The following SLC2A7 variants were observed in gnomAD, a reference collection of about 807,000 sequenced individuals.
SLC2A7 encodes solute carrier family 2 member 7.
SLC2A7 carries 50 observed loss-of-function variants against 50.5 expected under a neutral mutation model. The observed-to-expected ratio is 0.99, with a 90% CI of 0.79 to 1.25. The LOEUF (loss-of-function observed/expected upper bound fraction) is 1.25. Among genes scored for constraint, SLC2A7 ranks in the 50% most tolerant of loss-of-function variants. The probability of loss-of-function intolerance (pLI) is 0.00; values close to 1 mark genes in which losing one functional copy is unlikely to be tolerated. For synonymous variants in SLC2A7, 308 were observed against 300.4 expected, an observed-to-expected ratio of 1.03 and a Z score of -0.26; for missense variants, 683 against 679.1, an observed-to-expected ratio of 1.01 and a Z score of -0.06.
rs1316984843 is a variant in SLC2A7, at chr1:9,008,828, T to C, written c.1116+1315A>G. On this transcript the variant is annotated intron_variant, in intron 9 of 11. Coordinates refer to ENST00000400906, the MANE Select transcript of SLC2A7 (RefSeq NM_207420.3). The surrounding 1 kb of genome is among the most constrained non-coding windows in gnomAD (Gnocchi z 5.9). ...TCAGGCTGCTCTAGAACTCCTGACC[T>C]CAGGTGATCCACCCGCTTTGGCTTC... Among the ~76,000 whole-genome samples, 1 of 152,224 alleles carries C rather than the reference T, an allele frequency of 6.6e-6. No homozygotes were observed. Among genetic ancestry groups the C allele is most frequent in the Non-Finnish European group, 1.5e-5 (1 of 68,040 alleles).
rs749169535 is a variant in SLC2A7, at chr1:9,022,968, G to A, written c.261C>T (p.Gly87=). The change falls in exon 3 of 12, where the codon GGC becomes GGT. Residue 87 remains glycine (G), a synonymous_variant. Coordinates refer to ENST00000400906, the MANE Select transcript of SLC2A7 (RefSeq NM_207420.3). The part of the protein sequence containing the change: ...WSCTVSMFPL[G]GLLGSLLVGL... ...CCACGAGCAATGACCCCAACAGGCC[G>A]CCCAGAGGAAACATGGAGACGGTGC... is the stretch of plus-strand genomic sequence containing the variant. 45 of 1,613,990 alleles carry A rather than the reference G, an allele frequency of 2.8e-5. No individual in the cohort carries two copies. The highest frequency in any genetic ancestry group is 3.5e-5 in the Non-Finnish European group (41 of 1,180,000).
chr1:9,010,183 C>A lies in SLC2A7; in HGVS notation c.1076G>T (p.Gly359Val), dbSNP rs1478689748. ...CACCGTCAGCACCAGGCAGGCAGAG[C>A]CGCAGATGCCGTAGCCGGCCAGCAG... Reference protein sequence around the residue: ...HLLLAGYGICGSACLVLTVVL... With the variant: ...HLLLAGYGICVSACLVLTVVL... Residue 359 changes from glycine to valine, a missense_variant, in exon 9 of 12, where the codon GGC becomes GTC. Transcript: ENST00000400906. 2 of 1,552,378 alleles carry A rather than the reference C, an allele frequency of 1.3e-6. No homozygotes were observed. The highest frequency in any genetic ancestry group is 1.7e-6 in the Non-Finnish European group (2 of 1,147,486).
Position 9,003,161 on chromosome 1 carries a change from A to T in SLC2A7, c.*139T>A. ...TAAATATGCATTGTTGTGGGTATTT[A>T]ATAATATCCATAATTAAGTTAAATG... On this transcript the variant is annotated 3_prime_UTR_variant, in exon 12 of 12. Coordinates refer to ENST00000400906, the MANE Select transcript of SLC2A7 (RefSeq NM_207420.3). 1.4e-6 allele frequency: 1 copy of T among 694,912 alleles called. No homozygotes were observed. Among genetic ancestry groups the T allele is most frequent in the Non-Finnish European group, 2.4e-6 (1 of 415,632 alleles). 43.0% of individuals were successfully genotyped at this position (694,912 alleles called of 1,614,324 possible). A position where few individuals can be genotyped will look rare whatever the true frequency, so the allele number is the denominator to read the frequency against.
the SLC2A7 span, among the ~76,000 whole-genome samples, chr1:8,993,735 C>T: frequency 1.9e-4 from 29 of 152,306 alleles, no homozygotes; most frequent in Non-Finnish European, 3.4e-4. Context: ...TCAAGCGATT[C>T]GCCTGCCTCA....
the SLC2A7 span, among the ~76,000 whole-genome samples, chr1:8,996,706 T>C: frequency 6.6e-6 from 1 of 152,222 alleles, no homozygotes; most frequent in Non-Finnish European, 1.5e-5. Flanking sequence ...TTTTAAATTT[T>C]AGGCATCCTA....
At chr1:9,001,670 A>G (rs151268912), downstream of SLC2A7, among the ~76,000 whole-genome samples, 454 of 152,072 alleles carry the variant, frequency 3.0e-3, 2 homozygotes, top group African/African-American at 0.011. Flanking sequence ...TACTCGCTTC[A>G]GCCTCCCAAA....
At chr1:8,998,337 G>A (rs1386424554), downstream of SLC2A7, among the ~76,000 whole-genome samples, 2 of 151,214 alleles carry the variant, frequency 1.3e-5, no homozygotes, top group African/African-American at 2.4e-5. Context: ...CCCAGGAGGT[G>A]GAGGTTGCAG....
chr1:9,010,024 G>A (rs907333459), intron 9 of SLC2A7, 119 bp downstream of exon 9: 6 of 846,144 alleles, frequency 7.1e-6, no homozygotes, highest in African/African-American at 5.1e-5. Flanking sequence ...TTCCAGGCAG[G>A]ATGCATGCCA....
chr1:9,017,496 G>A (rs1256445864), intron 5 of SLC2A7, among the ~76,000 whole-genome samples: 7 of 152,168 alleles, frequency 4.6e-5, no homozygotes, highest in African/African-American at 1.2e-4. Flanking sequence ...CAGGCCTCGC[G>A]GGGTCTCCCC....
At chr1:9,007,643 C>T (rs1569784114) in intron 9 of SLC2A7, among the ~76,000 whole-genome samples, 1 of 152,178 alleles carries the variant, frequency 6.6e-6, no homozygotes. Context: ...AGTTATTTTC[C>T]TGCCAGGTGC....
At chr1:8,997,502 G>A in the SLC2A7 span, among the ~76,000 whole-genome samples, 1 of 152,080 alleles carries the variant, frequency 6.6e-6, no homozygotes, top group Non-Finnish European at 1.5e-5. Context: ...CTGGGTTCAA[G>A]CGATTCTCCT....
At chr1:9,019,469 G>T in intron 3 of SLC2A7, 136 bp from the exon 4 acceptor site, 1 of 1,282,246 alleles carries the variant, frequency 7.8e-7, no homozygotes, top group Admixed American at 2.6e-5. Context: ...GCAGGGGGCC[G>T]TGGACTGAAT....
Position 9,010,232 on chromosome 1 carries a change from C to T in SLC2A7, c.1027G>A (p.Glu343Lys). The T allele has an allele frequency of 6.4e-7, 1 of 1,551,074 alleles. No individual in the cohort carries two copies. Among genetic ancestry groups the T allele is most frequent in the Non-Finnish European group, 8.7e-7 (1 of 1,146,918 alleles). Reference protein sequence around the residue: ...VMTITSAVLVERLGRRHLLLA... With the variant: ...VMTITSAVLVKRLGRRHLLLA... Reference sequence around the variant, plus strand: ...AGGAGGTGCCGCCGTCCCAGCCGCTCCACAAGGACAGCCTGGAGGGGAAGG... The same window carrying T: ...AGGAGGTGCCGCCGTCCCAGCCGCTTCACAAGGACAGCCTGGAGGGGAAGG... Residue 343 changes from glutamate (E) to lysine (K), a missense_variant, in exon 9 of 12, where the codon GAG (glutamate) becomes AAG (lysine). Physicochemically the swap from Glu to Lys is moderately conservative, Grantham distance 56. Transcript: ENST00000400906.
chr1:9,004,510 G>A (rs987957690), intron 11 of SLC2A7, among the ~76,000 whole-genome samples: 1 of 151,902 alleles, frequency 6.6e-6, no homozygotes, highest in African/African-American at 2.4e-5. Context: ...TGAGCTCCGC[G>A]GACCAGAGCC....
intron 8 of SLC2A7, among the ~76,000 whole-genome samples, chr1:9,011,031 C>T (rs879647712): frequency 3.3e-5 from 5 of 152,240 alleles, no homozygotes; most frequent in Non-Finnish European, 7.3e-5. Context: ...CATCACCTGC[C>T]CTAACACCCT....
intron 8 of SLC2A7, 30 bp downstream of exon 8, chr1:9,013,495 C>T (rs1474697503): frequency 6.3e-7 from 1 of 1,585,764 alleles, no homozygotes; most frequent in Non-Finnish European, 8.6e-7. Context: ...AGAGACCCTC[C>T]AGCAGGAAGG....
intron 9 of SLC2A7, among the ~76,000 whole-genome samples, chr1:9,007,621 C>T (rs575141139): frequency 1.3e-5 from 2 of 152,340 alleles, no homozygotes; most frequent in East Asian, 1.9e-4. Context: ...GAACGAGGGG[C>T]ATCTACCTTT....
chr1:9,009,724 C>T (rs770390143), intron 9 of SLC2A7, among the ~76,000 whole-genome samples: 3 of 152,238 alleles, frequency 2.0e-5, no homozygotes, highest in Non-Finnish European at 4.4e-5. Context: ...TCCCAAAGTG[C>T]TAGGATTGCA....
At chr1:9,018,731 T>G (rs1350241438) in intron 4 of SLC2A7, among the ~76,000 whole-genome samples, 1 of 152,276 alleles carries the variant, frequency 6.6e-6, no homozygotes, top group Non-Finnish European at 1.5e-5. Context: ...ATTGCTTGTC[T>G]AACTTTTATT....
Sources: allele counts gnomAD v4.1 joint callset (sites outside exome capture counted in the v4.1 genomes callset), GRCh38; gene constraint gnomAD v4.1.1; non-coding constraint Gnocchi (gnomAD v3.1); transcripts MANE v1.5; gene names NCBI Gene and HGNC (gene_info 2026-07-23, HGNC 2026-07-21).